FAF1: variants seen among roughly 807,000 people sequenced by gnomAD.
FAF1 encodes the protein FAS-associated factor 1.
In FAF1, 25 loss-of-function variants were observed where a neutral mutation model predicts 92.5. That is an observed-to-expected ratio of 0.27 (90% CI 0.20 to 0.38). FAF1 has a LOEUF of 0.38. Ranked by LOEUF, FAF1 falls within the 10% of genes least tolerant of loss-of-function variation. The probability of loss-of-function intolerance (pLI) is 1.00; values close to 1 mark genes in which losing one functional copy is unlikely to be tolerated. For synonymous variants in FAF1, 234 were observed against 273.2 expected, an observed-to-expected ratio of 0.86 and a Z score of 1.42; for missense variants, 636 against 793.3, an observed-to-expected ratio of 0.80 and a Z score of 2.38.
At chr1:50,883,258 A>C (rs1644628939) in intron 1 of FAF1, among the ~76,000 whole-genome samples, 1 of 152,218 alleles carries the variant, frequency 6.6e-6, no homozygotes, top group African/African-American at 2.4e-5. Context: ...CCTATACTGA[A>C]TTATAATACA....
At chr1:50,575,168 A>G (rs1185055053) in intron 12 of FAF1, among the ~76,000 whole-genome samples, 2 of 152,116 alleles carry the variant, frequency 1.3e-5, no homozygotes, top group East Asian at 3.9e-4. Flanking sequence ...TCGGCCTCCC[A>G]AAGTGCTGGG....
At chr1:50,820,021 T>C (rs1644029418) in intron 2 of FAF1, among the ~76,000 whole-genome samples, 1 of 151,570 alleles carries the variant, frequency 6.6e-6, no homozygotes, top group African/African-American at 2.4e-5. Context: ...CATATGTCGT[T>C]TGTACGTGCA....
rs548628286 is a variant in FAF1 at position 50,850,070 on chromosome 1, G to C, written c.114+7859C>G. On this transcript the variant is annotated intron_variant, in intron 2 of 18. Transcript: ENST00000396153. ...TAAGGAATAAAAGGGATAAAACTTC[G>C]GGTCAGCTTTAAAGGAAAGATGAAA... Among the ~76,000 whole-genome samples, 10 of 151,892 alleles carry C rather than the reference G, an allele frequency of 6.6e-5. No individual in the cohort carries two copies. The East Asian group carries it at 1.9e-3, about 29-fold the overall frequency.
chr1:50,445,318 A>T (rs1451018689), intron 18 of FAF1, among the ~76,000 whole-genome samples: 1 of 152,168 alleles, frequency 6.6e-6, no homozygotes, highest in Non-Finnish European at 1.5e-5. Flanking sequence ...TATCCCCATT[A>T]AGCCAAAAAG....
intron 4 of FAF1, among the ~76,000 whole-genome samples, chr1:50,758,577 G>A (rs922647290): frequency 6.6e-6 from 1 of 152,132 alleles, no homozygotes; most frequent in Non-Finnish European, 1.5e-5. Context: ...TTTAAAAAAT[G>A]TGTAACCAAA....
At position 50,893,496 on chromosome 1, in the gene FAF1, A is replaced by G. The variant is rs184444369; in HGVS notation, c.46-35499T>C. On this transcript the variant is annotated intron_variant, in intron 1 of 18. Coordinates refer to ENST00000396153, the MANE Select transcript of FAF1 (RefSeq NM_007051.3). ...AAGAATTTTATGGATTAGCATATAG[A>G]AACTATTGTTATCTTCCCACACTTT... 3.9e-5 allele frequency among the ~76,000 whole-genome samples: 6 copies of G among 152,338 alleles called. No individual in the cohort carries two copies. In the East Asian group the frequency reaches 1.2e-3, roughly 29 times the overall value.
At chr1:50,888,384 T>C (rs572367445) in intron 1 of FAF1, among the ~76,000 whole-genome samples, 10 of 152,328 alleles carry the variant, frequency 6.6e-5, no homozygotes, top group South Asian at 2.1e-4. Context: ...TCCTGCCTGA[T>C]TGCCCTGGCC....
At chr1:50,646,095 G>C (rs1035599992) in intron 8 of FAF1, among the ~76,000 whole-genome samples, 5 of 152,148 alleles carry the variant, frequency 3.3e-5, no homozygotes, top group African/African-American at 1.2e-4. Flanking sequence ...GTTTTCAAGT[G>C]TGTTAATATC....
intron 2 of FAF1, among the ~76,000 whole-genome samples, chr1:50,808,657 T>TAAA (rs57362903): frequency 7.4e-6 from 1 of 135,314 alleles, no homozygotes; most frequent in African/African-American, 2.7e-5. Context: ...AATAAAGATT[T>TAAA]AAAAAAAAAA....
rs1310025717 is a variant in FAF1 at position 50,960,215 on chromosome 1, GGCCGCCTCC to G, written c.-413_-405del. The G allele has an allele frequency of 3.6e-5, 12 of 331,074 alleles. No homozygotes were observed. The highest frequency in any genetic ancestry group is 4.9e-5 in the Admixed American group (1 of 20,418). 20.5% of individuals were successfully genotyped at this position (331,074 alleles called of 1,614,324 possible). A position where few individuals can be genotyped will look rare whatever the true frequency, so the allele number is the denominator to read the frequency against. ...GAGCGAGCGGGCGGGCGAACGCCGC[GGCCGCCTCC>G]GCCTCCTCCGCTTCCTCCCTGGCCG... On this transcript the variant is annotated 5_prime_UTR_variant, in exon 1 of 19. Transcript: ENST00000396153.
In FAF1 at chr1:50,583,592, A is replaced by T; in HGVS notation, c.1031+60T>A. 1 of 1,073,080 alleles carries T rather than the reference A, an allele frequency of 9.3e-7. No individual in the cohort carries two copies. The highest frequency in any genetic ancestry group is 1.3e-6 in the Non-Finnish European group (1 of 752,182). 66.5% of individuals were successfully genotyped at this position (1,073,080 alleles called of 1,614,324 possible). ...AACAATCTATAATTAAAATTGCCCA[A>T]GAAAAATCACAGTAGCATAAAACAG... On this transcript the variant is annotated intron_variant, in intron 11 of 18. Transcript: ENST00000396153. The surrounding 1 kb of genome is among the most constrained non-coding windows in gnomAD (Gnocchi z 4.2).
At chr1:50,727,450 T>C (rs991460630) in intron 6 of FAF1, among the ~76,000 whole-genome samples, 1 of 152,200 alleles carries the variant, frequency 6.6e-6, no homozygotes, top group Non-Finnish European at 1.5e-5. Context: ...TAGAAATGTG[T>C]CACTTTACAA....
At chr1:50,708,225 A>AAC (rs1194983066) in intron 6 of FAF1, among the ~76,000 whole-genome samples, 1 of 152,204 alleles carries the variant, frequency 6.6e-6, no homozygotes, top group African/African-American at 2.4e-5. Context: ...GGGAGAGCAG[A>AAC]CAGGAGGCTG....
intron 15 of FAF1, among the ~76,000 whole-genome samples, chr1:50,531,637 GT>G (rs1226025707): frequency 6.6e-6 from 1 of 152,094 alleles, no homozygotes; most frequent in East Asian, 1.9e-4. Context: ...TAGGTACTTT[GT>G]AAACCTTTAC....
chr1:50,569,136 C>T (rs1650310103), intron 12 of FAF1, among the ~76,000 whole-genome samples: 1 of 152,124 alleles, frequency 6.6e-6, no homozygotes, highest in Non-Finnish European at 1.5e-5. Flanking sequence ...AGATACTTAT[C>T]TAGTAAATTC....
intron 13 of FAF1, among the ~76,000 whole-genome samples, chr1:50,545,667 G>A (rs112099269): frequency 1.5e-3 from 229 of 152,254 alleles, no homozygotes; most frequent in African/African-American, 5.2e-3. Context: ...AAGGTTACAG[G>A]AAAACCAGGA....
chr1:50,924,378 G>T lies in FAF1; in HGVS notation c.45+35389C>A, dbSNP rs1366876190. On this transcript the variant is annotated intron_variant, in intron 1 of 18. Transcript: ENST00000396153. ...TTAATCAAGAAGGTAAAAGACCTCT[G>T]CAATGAAAATTACAAAACACTAATA... 2.6e-5 allele frequency among the ~76,000 whole-genome samples: 4 copies of T among 151,084 alleles called. No homozygotes were observed. In the South Asian group the frequency reaches 6.3e-4, roughly 24 times the overall value.
chr1:50,809,093 T>C (rs1205461141), intron 2 of FAF1, among the ~76,000 whole-genome samples: 1 of 152,104 alleles, frequency 6.6e-6, no homozygotes, highest in African/African-American at 2.4e-5. Flanking sequence ...AGATACAATA[T>C]ATCAGAAACT....
intron 4 of FAF1, among the ~76,000 whole-genome samples, chr1:50,757,721 A>G (rs1660133768): frequency 6.6e-6 from 1 of 152,144 alleles, no homozygotes; most frequent in South Asian, 2.1e-4. Context: ...ACCTTTTATT[A>G]TAACATGAGA....
Sources: allele counts gnomAD v4.1 joint callset (sites outside exome capture counted in the v4.1 genomes callset), GRCh38; gene constraint gnomAD v4.1.1; non-coding constraint Gnocchi (gnomAD v3.1); transcripts MANE v1.5; gene names NCBI Gene and HGNC (gene_info 2026-07-23, HGNC 2026-07-21).